The following BCL2 variants were observed in gnomAD, a reference collection of about 807,000 sequenced individuals.
The protein encoded by BCL2 is BCL2 apoptosis regulator, also known as apoptosis regulator Bcl-2.
In BCL2, 1 loss-of-function variant was observed where a neutral mutation model predicts 14.2. The observed-to-expected ratio is 0.07, with a 90% confidence interval of 0.02 to 0.33. BCL2 has a LOEUF of 0.33. Among genes scored for constraint, BCL2 ranks in the 10% least tolerant of loss-of-function variants. The pLI, the probability that BCL2 is intolerant of heterozygous loss-of-function variation, is 0.99. For synonymous variants in BCL2, 151 were observed against 137.2 expected, an observed-to-expected ratio of 1.10 and a Z score of -0.70; for missense variants, 247 against 305.9, an observed-to-expected ratio of 0.81 and a Z score of 1.44.
intron 2 of BCL2, among the ~76,000 whole-genome samples, chr18:63,172,128 A>G (rs1269468010): frequency 1.3e-5 from 2 of 152,236 alleles, no homozygotes; most frequent in African/African-American, 2.4e-5. Context: ...CATGATTCAG[A>G]GCATGTTGAG....
At chr18:63,151,960 G>C (rs1407530303) in intron 2 of BCL2, among the ~76,000 whole-genome samples, 1 of 152,198 alleles carries the variant, frequency 6.6e-6, no homozygotes, top group Non-Finnish European at 1.5e-5. Flanking sequence ...AGGGAAGAAG[G>C]AAACTTAGTA....
chr18:63,301,221 A>T (rs1320118847), intron 2 of BCL2, among the ~76,000 whole-genome samples: 3 of 152,216 alleles, frequency 2.0e-5, no homozygotes, highest in Non-Finnish European at 4.4e-5. Context: ...GACTGGGGAG[A>T]AAAAGAAACA....
At chr18:63,180,165 A>G (rs1568226039) in intron 2 of BCL2, among the ~76,000 whole-genome samples, 1 of 152,132 alleles carries the variant, frequency 6.6e-6, no homozygotes, top group Non-Finnish European at 1.5e-5. Context: ...CCCACTACAC[A>G]TGCCTAGCTG....
rs115420211 is a variant in BCL2 at position 63,245,641 on chromosome 18, A to T, written c.585+72441T>A. Among the ~76,000 whole-genome samples the T allele has an allele frequency of 1.9e-3, 292 of 152,330 alleles. 1 individual carries two copies. Among genetic ancestry groups the T allele is most frequent in the African/African-American group, 6.9e-3 (287 of 41,584 alleles). ...AAATCAGTGCACATAAACCATGGTG[A>T]AATCTGTTTAAGGCCTAATACTAAC... On this transcript the variant is annotated intron_variant, in intron 2 of 2. Coordinates refer to ENST00000333681, the MANE Select transcript of BCL2 (RefSeq NM_000633.3).
chr18:63,281,734 A>AAGAAAGAAAG (rs1555707217), intron 2 of BCL2, among the ~76,000 whole-genome samples: 17 of 144,234 alleles, frequency 1.2e-4, no homozygotes, highest in African/African-American at 4.5e-4. Flanking sequence ...GAAAGAAAGA[A>AAGAAAGAAAG]AGAAAAAGAG....
At chr18:63,270,576 T>C (rs957346106) in intron 2 of BCL2, among the ~76,000 whole-genome samples, 3 of 152,196 alleles carry the variant, frequency 2.0e-5, no homozygotes, top group South Asian at 4.2e-4. Flanking sequence ...AATACAAATA[T>C]ATGTACACAC....
intron 2 of BCL2, among the ~76,000 whole-genome samples, chr18:63,252,176 G>C (rs993543498): frequency 5.3e-5 from 8 of 152,020 alleles, no homozygotes; most frequent in African/African-American, 1.9e-4. Context: ...ACACCAATGA[G>C]ATCTTCATTC....
intron 2 of BCL2, among the ~76,000 whole-genome samples, chr18:63,281,712 GAA>G (rs1912318358): frequency 2.8e-5 from 4 of 142,316 alleles, no homozygotes; most frequent in Middle Eastern, 3.7e-3. Context: ...AAGAAAGAAA[GAA>G]AGAAAGAAAG....
At chr18:63,223,178 G>C (rs1231794079) in intron 2 of BCL2, among the ~76,000 whole-genome samples, 2 of 152,080 alleles carry the variant, frequency 1.3e-5, no homozygotes, top group Non-Finnish European at 2.9e-5. Context: ...AACGTGGGCG[G>C]ATCACGAGGT....
Position 63,125,331 on chromosome 18 carries a change from G to A in BCL2, c.*3294C>T, listed in dbSNP as rs4987861. Reference sequence around the variant, plus strand: ...TATTCCAAATCTTAAGCCTGCCAGAGTTTTCTGCCCCTGCCAAATCTTCGG... The same window carrying A: ...TATTCCAAATCTTAAGCCTGCCAGAATTTTCTGCCCCTGCCAAATCTTCGG... On this transcript the variant is annotated 3_prime_UTR_variant, in exon 3 of 3. Coordinates refer to ENST00000333681, the MANE Select transcript of BCL2 (RefSeq NM_000633.3). The A allele has an allele frequency of 0.014, 3,129 of 226,226 alleles. 85 individuals are homozygous for A. The highest frequency in any genetic ancestry group is 0.059 in the African/African-American group (2,667 of 45,040). 14.0% of individuals were successfully genotyped at this position (226,226 alleles called of 1,614,324 possible).
rs765680013 is a variant in BCL2 at position 63,126,392 on chromosome 18, A to C, written c.*2233T>G. ...CGTAAAGCAACTCTCTAAAGGTCAA[A>C]CCACCATAGATTTGAATCTGCTGGT... On this transcript the variant is annotated 3_prime_UTR_variant, in exon 3 of 3. Coordinates refer to ENST00000333681, the MANE Select transcript of BCL2 (RefSeq NM_000633.3). 2 of 223,516 alleles carry C rather than the reference A, an allele frequency of 8.9e-6. No individual in the cohort carries two copies. Among genetic ancestry groups the C allele is most frequent in the Admixed American group, 5.7e-5 (1 of 17,466 alleles). The allele number at this position is 223,516 out of a possible 1,614,324, so 13.8% of individuals were successfully genotyped here. A position where few individuals can be genotyped will look rare whatever the true frequency, so the allele number is the denominator to read the frequency against.
intron 2 of BCL2, among the ~76,000 whole-genome samples, chr18:63,183,004 C>T (rs1380627285): frequency 6.6e-6 from 1 of 152,170 alleles, no homozygotes; most frequent in Non-Finnish European, 1.5e-5. Flanking sequence ...CACTCAGCAC[C>T]GAGCTGGGCA....
chr18:63,218,415 T>C (rs1910267355), intron 2 of BCL2, among the ~76,000 whole-genome samples: 1 of 152,078 alleles, frequency 6.6e-6, no homozygotes, highest in Admixed American at 6.5e-5. Flanking sequence ...AGCTCCTTCT[T>C]CCCTTTCTTT....
chr18:63,208,786 A>G (rs987579487), intron 2 of BCL2, among the ~76,000 whole-genome samples: 1 of 152,204 alleles, frequency 6.6e-6, no homozygotes, highest in Non-Finnish European at 1.5e-5. Flanking sequence ...TTTGGACTGA[A>G]TAATACTGTG....
At chr18:63,237,250 C>CG (rs142578745) in intron 2 of BCL2, among the ~76,000 whole-genome samples, 2,370 of 152,040 alleles carry the variant, frequency 0.016, 53 homozygotes, top group African/African-American at 0.052. Flanking sequence ...AGTAAACAGG[C>CG]GGGGGGGAGG....
intron 2 of BCL2, among the ~76,000 whole-genome samples, chr18:63,185,641 C>T (rs184380852): frequency 1.3e-5 from 2 of 152,338 alleles, no homozygotes; most frequent in Admixed American, 6.5e-5. Context: ...GTGGCAGAGT[C>T]TAGGTAGTAA....
chr18:63,213,200 T>C (rs181084816), intron 2 of BCL2, among the ~76,000 whole-genome samples: 1 of 152,248 alleles, frequency 6.6e-6, no homozygotes, highest in Admixed American at 6.5e-5. Context: ...GTAAAAACAA[T>C]AAAACATGCA....
At chr18:63,270,525 A>T (rs923171107) in intron 2 of BCL2, among the ~76,000 whole-genome samples, 4 of 152,218 alleles carry the variant, frequency 2.6e-5, no homozygotes. Flanking sequence ...ATATATATGT[A>T]CCTATGCATA....
chr18:63,247,852 A>G (rs1911197530), intron 2 of BCL2, among the ~76,000 whole-genome samples: 1 of 152,220 alleles, frequency 6.6e-6, no homozygotes, highest in South Asian at 2.1e-4. Flanking sequence ...GAAAACTTAG[A>G]GGGTTATGTT....
Sources: gnomAD v4.1 joint callset for allele counts (sites outside exome capture counted in the v4.1 genomes callset) on GRCh38, gnomAD v4.1.1 for gene constraint, MANE v1.5 for transcripts, NCBI Gene and HGNC (gene_info 2026-07-23, HGNC 2026-07-21) for gene names.